The following CTNNA3 variants were observed in gnomAD, a reference collection of about 807,000 sequenced individuals.
CTNNA3 encodes the protein catenin alpha 3.
A neutral mutation model predicts 95.7 loss-of-function variants in CTNNA3; 76 were observed. The observed-to-expected ratio is 0.79, with a 90% CI of 0.66 to 0.96. CTNNA3 has a LOEUF of 0.96. Ranked by LOEUF, CTNNA3 falls within the 40% of genes least tolerant of loss-of-function variation. The pLI, the probability that CTNNA3 is intolerant of heterozygous loss-of-function variation, is 0.00. For synonymous variants in CTNNA3, 431 were observed against 374.4 expected (o/e 1.15, Z -1.74); for missense variants, 1,191 against 1,089.8 (o/e 1.09, Z -1.31).
At chr10:66,684,253 T>C (rs1293036394) in intron 9 of CTNNA3, among the ~76,000 whole-genome samples, 1 of 152,046 alleles carries the variant, frequency 6.6e-6, no homozygotes, top group Non-Finnish European at 1.5e-5. Context: ...AGGATACTGC[T>C]ACATATCCTA....
rs376310020 is a variant in CTNNA3 at position 65,920,524 on chromosome 10, T to C, written c.2494A>G (p.Ile832Val). Residue 832 changes from isoleucine to valine, a missense_variant, in exon 18 of 18, where the codon ATC becomes GTC. Coordinates refer to ENST00000433211, the MANE Select transcript of CTNNA3 (RefSeq NM_013266.4). ...CCAGCAGGACTCTGGATTCGGATGA[T>C]CTTGGTTGAGGCAATGTAAGACATT... ...VKMSYIASTKIIRIQSPAGPR... is the reference protein window; with the variant it reads ...VKMSYIASTKVIRIQSPAGPR... The C allele has an allele frequency of 1.9e-6, 3 of 1,614,058 alleles. No homozygotes were observed. Among genetic ancestry groups the C allele is most frequent in the Admixed American group, 1.7e-5 (1 of 60,012 alleles).
At chr10:67,243,465 A>C (rs924007609) in intron 5 of CTNNA3, among the ~76,000 whole-genome samples, 2 of 152,178 alleles carry the variant, frequency 1.3e-5, no homozygotes, top group African/African-American at 4.8e-5. Context: ...CTTTTTGACC[A>C]ATCTTTTCTC....
In CTNNA3 at chr10:66,621,785, C is replaced by A; in HGVS notation, c.1282-1G>T. The stretch of plus-strand genomic sequence containing the variant: ...ACATGGAACAAGCAAGATTTGCCAC[C>A]TTAAATACAATCCAAAATAATGGAA... On this transcript the variant is annotated splice_acceptor_variant, in intron 9 of 17. Transcript: ENST00000433211. LOFTEE classifies it high-confidence loss of function. 2 of 1,589,602 alleles carry A rather than the reference C, an allele frequency of 1.3e-6. No homozygotes were observed. The highest frequency in any genetic ancestry group is 1.7e-6 in the Non-Finnish European group (2 of 1,165,296).
At chr10:66,352,021 AC>A (rs950507136) in intron 12 of CTNNA3, among the ~76,000 whole-genome samples, 1 of 152,116 alleles carries the variant, frequency 6.6e-6, no homozygotes, top group African/African-American at 2.4e-5. Flanking sequence ...TGAAGTAAGT[AC>A]TATATGCCAG....
Position 66,394,853 on chromosome 10 carries a change from T to G in CTNNA3, c.1532-15501A>C, listed in dbSNP as rs184954856. Among the ~76,000 whole-genome samples, 414 of 152,116 alleles carry G rather than the reference T, an allele frequency of 2.7e-3. 2 individuals carry two copies. Among genetic ancestry groups the G allele is most frequent in the African/African-American group, 9.7e-3 (403 of 41,536 alleles). ...CAGAAAAGCAAATCCCAGTACTGTT[T>G]AAAATAACCCCCTAGAGGTATATGA... On this transcript the variant is annotated intron_variant, in intron 11 of 17. Coordinates refer to ENST00000433211, the MANE Select transcript of CTNNA3 (RefSeq NM_013266.4).
At chr10:67,472,308 C>G (rs1817023998) in intron 5 of CTNNA3, among the ~76,000 whole-genome samples, 1 of 152,168 alleles carries the variant, frequency 6.6e-6, no homozygotes, top group Non-Finnish European at 1.5e-5. Context: ...CATTTCCCCT[C>G]TTATCTGTTC....
At chr10:67,027,658 A>C (rs1237192692) in intron 7 of CTNNA3, among the ~76,000 whole-genome samples, 1 of 151,990 alleles carries the variant, frequency 6.6e-6, no homozygotes, top group Non-Finnish European at 1.5e-5. Context: ...GATGGTCTCA[A>C]TCTCTTGACC....
chr10:66,623,790 T>C (rs1844835677), intron 9 of CTNNA3, among the ~76,000 whole-genome samples: 1 of 152,162 alleles, frequency 6.6e-6, no homozygotes, highest in Non-Finnish European at 1.5e-5. Context: ...ATAAGTAATA[T>C]CTGTGACAAA....
chr10:67,105,270 T>C (rs12768895), intron 7 of CTNNA3, among the ~76,000 whole-genome samples: 54,152 of 151,430 alleles, frequency 0.36, 9,954 homozygotes, highest in Middle Eastern at 0.53. Flanking sequence ...GAATTAATTC[T>C]ACCAAAAGAG....
rs539550642 is a variant in CTNNA3 at position 67,744,274 on chromosome 10, A to C, written c.-2+19160T>G. On this transcript the variant is annotated intron_variant, in intron 1 of 17. Transcript: ENST00000684154. ...ACTATACTACAAGGCTACGGTAACC[A>C]AAACAGCATGGTACTGGTACCAAAA... is the stretch of plus-strand genomic sequence containing the variant. Among the ~76,000 whole-genome samples the C allele has an allele frequency of 4.6e-4, 69 of 151,480 alleles. No individual in the cohort carries two copies. The East Asian group carries it at 0.013, about 27-fold the overall frequency.
chr10:67,548,132 T>C (rs985263142), intron 3 of CTNNA3, among the ~76,000 whole-genome samples: 1 of 152,152 alleles, frequency 6.6e-6, no homozygotes, highest in African/African-American at 2.4e-5. Flanking sequence ...TGATAACAAG[T>C]GAGTTCTTGC....
chr10:67,712,814 C>T lies in CTNNA3; in HGVS notation c.-2+50620G>A, dbSNP rs1009709580. ...TGGATTAAAGACTTAAATGTAAAGC[C>T]TAAAACCATAAAAATCCTAGAAAAA... On this transcript the variant is annotated intron_variant, in intron 1 of 17. Coordinates refer to the CTNNA3 transcript ENST00000684154. Among the ~76,000 whole-genome samples the T allele has an allele frequency of 3.9e-5, 6 of 152,034 alleles. No individual in the cohort carries two copies. The East Asian group carries it at 1.2e-3, about 29-fold the overall frequency.
intron 7 of CTNNA3, chr10:66,926,684 C>A: frequency 1.5e-6 from 2 of 1,375,886 alleles, no homozygotes; most frequent in Non-Finnish European, 2.1e-6. Flanking sequence ...TTAGAGATTA[C>A]CTTGCTCTGC....
intron 11 of CTNNA3, among the ~76,000 whole-genome samples, chr10:66,480,376 C>T (rs950698255): frequency 3.9e-5 from 6 of 152,022 alleles, no homozygotes; most frequent in South Asian, 2.1e-4. Context: ...ACTTGATGTT[C>T]CCAGCTCCTC....
chr10:65,925,371 T>C (rs1331294769), intron 17 of CTNNA3, among the ~76,000 whole-genome samples: 1 of 152,176 alleles, frequency 6.6e-6, no homozygotes. Flanking sequence ...AAATGAAAAT[T>C]ATCTGGTTCT....
At chr10:66,994,879 A>C (rs1177967922) in intron 7 of CTNNA3, among the ~76,000 whole-genome samples, 2 of 152,186 alleles carry the variant, frequency 1.3e-5, no homozygotes, top group Non-Finnish European at 1.5e-5. Flanking sequence ...ACAATATGAA[A>C]TGTAAAACTA....
chr10:66,356,231 T>A (rs1484720210), intron 12 of CTNNA3, among the ~76,000 whole-genome samples: 1 of 151,634 alleles, frequency 6.6e-6, no homozygotes, highest in African/African-American at 2.4e-5. Context: ...AAAAAAATTC[T>A]GCTAGGATTT....
At chr10:66,379,417 A>C in intron 11 of CTNNA3, 65 bp from the exon 12 acceptor site, 1 of 1,299,942 alleles carries the variant, frequency 7.7e-7, no homozygotes. Flanking sequence ...CAAATCTAGC[A>C]TATTATAATT....
At chr10:66,923,248 CAAG>C (rs1846884810) in intron 7 of CTNNA3, among the ~76,000 whole-genome samples, 1 of 152,136 alleles carries the variant, frequency 6.6e-6, no homozygotes, top group Non-Finnish European at 1.5e-5. Context: ...GTAAATAATT[CAAG>C]AAGATTTATC....
Sources: allele counts gnomAD v4.1 joint callset (sites outside exome capture counted in the v4.1 genomes callset), GRCh38; gene constraint gnomAD v4.1.1; transcripts MANE v1.5; gene names NCBI Gene and HGNC (gene_info 2026-07-23, HGNC 2026-07-21).